Variants in CCDC112 observed in about 807,000 individuals in gnomAD.
The protein encoded by CCDC112 is coiled-coil domain-containing protein 112.
In CCDC112, 40 loss-of-function variants were observed where a neutral mutation model predicts 66.3. The observed-to-expected ratio is 0.60, with a 90% CI of 0.47 to 0.79. The LOEUF (loss-of-function observed/expected upper bound fraction) is 0.79. CCDC112 is among the 30% of genes least tolerant of loss of function. The pLI is 0.00. For synonymous variants in CCDC112, 214 were observed against 197.2 expected (o/e 1.09, Z -0.71); for missense variants, 659 against 603.8 (o/e 1.09, Z -0.96).
chr5:115,279,543 T>C (rs1027378975), intron 3 of CCDC112, 104 bp downstream of exon 3: 3 of 1,171,494 alleles, frequency 2.6e-6, no homozygotes, highest in Non-Finnish European at 3.7e-6. Context: ...ACTGACTCTA[T>C]TGATAGAGAA....
chr5:115,296,360 C>G, intron 1 of CCDC112, 67 bp downstream of exon 1: 2 of 1,492,586 alleles, frequency 1.3e-6, no homozygotes, highest in East Asian at 2.7e-5. Context: ...GCAGAGGGCA[C>G]CTGTTCAGCC....
chr5:115,287,830 G>A (rs1749744234), intron 1 of CCDC112, among the ~76,000 whole-genome samples: 1 of 150,028 alleles, frequency 6.7e-6, no homozygotes, highest in Non-Finnish European at 1.5e-5. Flanking sequence ...ATGCTACTGT[G>A]CTCAACTCCA....
In CCDC112 at chr5:115,271,483, C is replaced by T. The variant is rs1748995985; in HGVS notation, c.1062G>A (p.Gln354=). The part of the protein sequence containing the change: ...QKQKEEQRKK[Q]KLAVEAWKKQ... ...TCTTCCAAGCTTCAACTGCCAATTT[C>T]TGTTTCTTTCTTTGTTCCTCTTTTT... Residue 354 remains glutamine (Q), a synonymous_variant, in exon 7 of 10, where the codon CAG becomes CAA. Transcript: ENST00000379611. 16 of 1,613,182 alleles carry T rather than the reference C, an allele frequency of 9.9e-6. No homozygotes were observed. Among genetic ancestry groups the T allele is most frequent in the African/African-American group, 2.7e-5 (2 of 74,846 alleles).
intron 9 of CCDC112, 150 bp downstream of exon 9, chr5:115,268,732 T>G (rs1748871477): frequency 4.1e-6 from 1 of 242,042 alleles, no homozygotes; most frequent in Non-Finnish European, 7.8e-6. Flanking sequence ...TAAAAAAGAT[T>G]TAGGTAAAAA....
In CCDC112 at chr5:115,268,970, T is replaced by C; in HGVS notation, c.1459A>G (p.Arg487Gly). The change falls in exon 9 of 10, where the codon AGG becomes GGG. Residue 487 changes from arginine (R) to glycine (G), a missense_variant. Physicochemically the swap from Arg to Gly is moderately radical, Grantham distance 125. Coordinates refer to ENST00000379611, the MANE Select transcript of CCDC112 (RefSeq NM_001040440.3). ...CAACCTTTGGTGGGTTTGTAAAGCC[T>C]AGAGGGATCTCTACTAACATTGTTT... ...VENNVSRDPS[R>G]LYKPTKGWEE... The C allele has an allele frequency of 1.2e-6, 2 of 1,600,968 alleles. No individual in the cohort carries two copies. The highest frequency in any genetic ancestry group is 1.7e-6 in the Non-Finnish European group (2 of 1,173,802).
rs1246421830 is a variant in CCDC112 at position 115,267,915 on chromosome 5, A to G, written c.1551T>C (p.Ala517=). The change falls in exon 10 of 10, where the codon GCT becomes GCC. Residue 517 remains alanine (A), a synonymous_variant. Coordinates refer to ENST00000379611, the MANE Select transcript of CCDC112 (RefSeq NM_001040440.3). ...GTATTCCTTGTCTCCAGGTTGGAAT[A>G]GCCCTAAGGAGAAAAAGAGAAAAGC... ...SGPLLHIPHR[A]IPTWRQGIQR... 3.0e-5 allele frequency: 49 copies of G among 1,610,186 alleles called. No homozygotes were observed. Among genetic ancestry groups the G allele is most frequent in the Non-Finnish European group, 3.9e-5 (46 of 1,177,034 alleles).
intron 3 of CCDC112, among the ~76,000 whole-genome samples, chr5:115,278,687 G>A (rs1561495891): frequency 6.6e-6 from 1 of 151,996 alleles, no homozygotes; most frequent in Non-Finnish European, 1.5e-5. Flanking sequence ...GGGTGTCTCG[G>A]TTTTTCAATG....
chr5:115,286,146 T>G (rs1749666221), intron 1 of CCDC112, among the ~76,000 whole-genome samples: 1 of 152,212 alleles, frequency 6.6e-6, no homozygotes. Flanking sequence ...CTACCCAGTT[T>G]CAGAATATTT....
chr5:115,268,798 A>G, intron 9 of CCDC112, 84 bp downstream of exon 9: 2 of 543,990 alleles, frequency 3.7e-6, no homozygotes, highest in Non-Finnish European at 6.1e-6. Flanking sequence ...TATGAAAAAT[A>G]TAATTTACAT....
intron 1 of CCDC112, among the ~76,000 whole-genome samples, chr5:115,287,599 G>A (rs564799682): frequency 1.3e-5 from 2 of 152,092 alleles, no homozygotes; most frequent in East Asian, 1.9e-4. Flanking sequence ...CAATCAGAAA[G>A]GGTCCAGTCA....
At position 115,296,555 on chromosome 5, in the gene CCDC112, G is replaced by C. The variant is rs756720775; in HGVS notation, c.-12C>G. 2 of 1,472,424 alleles carry C rather than the reference G, an allele frequency of 1.4e-6. No homozygotes were observed. The highest frequency in any genetic ancestry group is 1.8e-6 in the Non-Finnish European group (2 of 1,114,858). 91.2% of individuals were successfully genotyped at this position (1,472,424 alleles called of 1,614,324 possible). A position where few individuals can be genotyped will look rare whatever the true frequency, so the allele number is the denominator to read the frequency against. On this transcript the variant is annotated 5_prime_UTR_variant, in exon 1 of 10. Coordinates refer to ENST00000379611, the MANE Select transcript of CCDC112 (RefSeq NM_001040440.3). The stretch of plus-strand genomic sequence containing the variant: ...GTCAGTGCGGCCATGTTTACCCGCC[G>C]AGCTACTCGGGCCGCGGCGGCCACC...
At chr5:115,295,307 G>T (rs1242587116) in intron 1 of CCDC112, among the ~76,000 whole-genome samples, 1 of 152,208 alleles carries the variant, frequency 6.6e-6, no homozygotes, top group Non-Finnish European at 1.5e-5. Flanking sequence ...TTAGAGAAAT[G>T]ATGGAGAAAG....
intron 6 of CCDC112, among the ~76,000 whole-genome samples, chr5:115,274,534 T>C (rs914718516): frequency 5.9e-5 from 9 of 152,188 alleles, no homozygotes; most frequent in African/African-American, 2.2e-4. Flanking sequence ...GATTTTTCTA[T>C]TCAAAACAAT....
chr5:115,292,331 C>T (rs1749967005), intron 1 of CCDC112, among the ~76,000 whole-genome samples: 1 of 152,062 alleles, frequency 6.6e-6, no homozygotes, highest in South Asian at 2.1e-4. Context: ...TTTTTAACTC[C>T]AGAATTTCTA....
intron 2 of CCDC112, among the ~76,000 whole-genome samples, chr5:115,281,779 A>G (rs1458945479): frequency 6.6e-6 from 1 of 152,212 alleles, no homozygotes; most frequent in African/African-American, 2.4e-5. Flanking sequence ...AACCTCCTCA[A>G]TAGAAGAAAT....
intron 3 of CCDC112, among the ~76,000 whole-genome samples, chr5:115,278,913 A>AT (rs949446297): frequency 5.3e-4 from 81 of 152,298 alleles, no homozygotes; most frequent in African/African-American, 1.9e-3. Flanking sequence ...TTTGATAACC[A>AT]TTATTTTTCC....
At position 115,268,900 on chromosome 5, in the gene CCDC112, A is replaced by C; in HGVS notation, c.1529T>G (p.Leu510Arg). ...KKIGPTGSGP[L>R]LHIPHRAIPT... is the part of the protein sequence containing the mutation. ...TTCTTACCTATGTGGGATATGTAGA[A>C]GTGGCCCAGAGCCTGTTGGTCCTAT... The change falls in exon 9 of 10, where the codon CTT becomes CGT. Residue 510 changes from leucine to arginine, a missense_variant. Leu to Arg is a moderately radical substitution (Grantham distance 102, BLOSUM62 -2). Coordinates refer to ENST00000379611, the MANE Select transcript of CCDC112 (RefSeq NM_001040440.3). The C allele has an allele frequency of 6.3e-7, 1 of 1,595,646 alleles. No individual in the cohort carries two copies. The highest frequency in any genetic ancestry group is 8.5e-7 in the Non-Finnish European group (1 of 1,170,680).
intron 1 of CCDC112, among the ~76,000 whole-genome samples, chr5:115,288,367 T>A (rs1749776585): frequency 3.3e-5 from 5 of 152,234 alleles, no homozygotes; most frequent in Admixed American, 2.6e-4. Context: ...AGTACCAGTA[T>A]CTTCACATGT....
intron 2 of CCDC112, among the ~76,000 whole-genome samples, chr5:115,282,182 G>T (rs72813846): frequency 1.3e-5 from 2 of 152,088 alleles, no homozygotes; most frequent in Admixed American, 1.3e-4. Flanking sequence ...TCTGTTCTAC[G>T]TACTGACAGG....
Sources: allele counts gnomAD v4.1 joint callset (sites outside exome capture counted in the v4.1 genomes callset), GRCh38; gene constraint gnomAD v4.1.1; transcripts MANE v1.5; gene names NCBI Gene and HGNC (gene_info 2026-07-23, HGNC 2026-07-21).